Variants in GRIP2 observed in about 807,000 individuals in gnomAD.
The protein encoded by GRIP2 is glutamate receptor interacting protein 2, also known as glutamate receptor-interacting protein 2.
GRIP2 carries 58 observed loss-of-function variants against 108.3 expected under a neutral mutation model. The ratio of observed to expected loss-of-function variants is 0.54; its 90% CI spans 0.43 to 0.67. GRIP2 has a LOEUF of 0.67. Among genes scored for constraint, GRIP2 ranks in the 30% least tolerant of loss-of-function variants. The pLI is 0.00. For missense variants in GRIP2, 1,278 were observed against 1,430.6 expected (o/e 0.89, Z 1.72); for synonymous variants, 586 against 598.2 (o/e 0.98, Z 0.30).
At chr3:14,597,813 A>C in the GRIP2 span, among the ~76,000 whole-genome samples, 2 of 152,238 alleles carry the variant, frequency 1.3e-5, no homozygotes, top group African/African-American at 4.8e-5. Flanking sequence ...GCAATTCTGC[A>C]TGCTGACATC....
intron 1 of GRIP2, among the ~76,000 whole-genome samples, chr3:14,527,960 A>C (rs1290504798): frequency 6.6e-6 from 1 of 152,212 alleles, no homozygotes; most frequent in East Asian, 1.9e-4. Flanking sequence ...TGTGGTGAGC[A>C]TGTCAATGAG....
In GRIP2 at chr3:14,505,304, G is replaced by A. The variant is rs1293726003; in HGVS notation, c.2573+311C>T. Among the ~76,000 whole-genome samples the A allele has an allele frequency of 6.6e-6, 1 of 152,144 alleles. No homozygotes were observed. Among genetic ancestry groups the A allele is most frequent in the African/African-American group, 2.4e-5 (1 of 41,434 alleles). ...CCATCAGGCCATCTGGGGTAAGTCA[G>A]GTGGGCCTGGGTTCAAGTTCTGAGT... On this transcript the variant is annotated intron_variant, in intron 20 of 23. Transcript: ENST00000621039. The surrounding 1 kb of genome is among the most constrained non-coding windows in gnomAD (Gnocchi z 4.2).
At chr3:14,495,213 C>T (rs953283943) in intron 22 of GRIP2, among the ~76,000 whole-genome samples, 8 of 151,834 alleles carry the variant, frequency 5.3e-5, no homozygotes, top group East Asian at 1.9e-4. Context: ...TCAAGTACGA[C>T]GGAGCCCTTA....
chr3:14,517,986 C>T (rs1694303784), intron 9 of GRIP2, 89 bp from the exon 10 acceptor site: 4 of 1,407,918 alleles, frequency 2.8e-6, no homozygotes, highest in Admixed American at 2.9e-5. Flanking sequence ...CCAGAAGATC[C>T]TCGTGCTTCC....
At chr3:14,525,227 C>T (rs1027440207) in intron 3 of GRIP2, among the ~76,000 whole-genome samples, 3 of 152,112 alleles carry the variant, frequency 2.0e-5, no homozygotes, top group Non-Finnish European at 4.4e-5. Flanking sequence ...TATGGCCAAG[C>T]CCCTGGTGTA....
At chr3:14,557,647 C>T (rs918781478), upstream of GRIP2, among the ~76,000 whole-genome samples, 2 of 152,220 alleles carry the variant, frequency 1.3e-5, no homozygotes, top group Non-Finnish European at 2.9e-5. Flanking sequence ...AGCTCCTTCT[C>T]GAGACCTGAG....
the GRIP2 span, among the ~76,000 whole-genome samples, chr3:14,582,646 C>A: frequency 1.1e-4 from 17 of 152,148 alleles, no homozygotes; most frequent in Admixed American, 6.5e-5. Flanking sequence ...AGCTTGTTTG[C>A]GCCTCAGGAC....
chr3:14,517,484 A>ATT (rs1553596551), intron 10 of GRIP2, among the ~76,000 whole-genome samples: 14 of 114,882 alleles, frequency 1.2e-4, no homozygotes, highest in South Asian at 3.2e-4. Flanking sequence ...AGGCCACCTA[A>ATT]TCTCTCTCTC....
At chr3:14,557,514 G>T (rs1171819097), upstream of GRIP2, among the ~76,000 whole-genome samples, 1 of 152,246 alleles carries the variant, frequency 6.6e-6, no homozygotes, top group Non-Finnish European at 1.5e-5. Flanking sequence ...TAGGCTGGAG[G>T]TTCTGGGCTC....
the GRIP2 span, among the ~76,000 whole-genome samples, chr3:14,582,240 A>T: frequency 6.6e-6 from 1 of 152,098 alleles, no homozygotes; most frequent in Non-Finnish European, 1.5e-5. Flanking sequence ...TTTAATTTCC[A>T]TTTTCCTCAA....
At chr3:14,518,043 G>T (rs530029950) in intron 9 of GRIP2, 146 bp from the exon 10 acceptor site, 4 of 970,690 alleles carry the variant, frequency 4.1e-6, no homozygotes, top group Non-Finnish European at 5.9e-6. Context: ...TGTCCCGGAC[G>T]CCTACAATGT....
At chr3:14,543,342 C>G (rs533583218), upstream of GRIP2, among the ~76,000 whole-genome samples, 1 of 152,300 alleles carries the variant, frequency 6.6e-6, no homozygotes, top group South Asian at 2.1e-4. Context: ...GTTTGAGGAG[C>G]GCTGTATTAA....
the GRIP2 span, among the ~76,000 whole-genome samples, chr3:14,595,680 C>T: frequency 1.3e-5 from 2 of 152,330 alleles, no homozygotes; most frequent in East Asian, 3.9e-4. Flanking sequence ...GCTACAGCCA[C>T]AGAGCAAGTG....
rs759165398 is a variant in GRIP2 at position 14,523,025 on chromosome 3, C to T, written c.541G>A (p.Val181Met). 32 of 1,613,528 alleles carry T rather than the reference C, an allele frequency of 2.0e-5. No homozygotes were observed. In the Admixed American group the frequency reaches 3.7e-4, roughly 18 times the overall value. The change falls in exon 6 of 24, where the codon GTG (valine) becomes ATG (methionine). Residue 181 changes from valine (V) to methionine (M), a missense_variant. Coordinates refer to ENST00000621039, the MANE Select transcript of GRIP2 (RefSeq NM_001080423.4). Reference sequence around the variant, plus strand: ...CTGTCGGCAGGGCCACCGGGCCGCACGTAGGTCAGGACAAGCGGGCGGGAC... The same window carrying T: ...CTGTCGGCAGGGCCACCGGGCCGCATGTAGGTCAGGACAAGCGGGCGGGAC... ...HKSRPLVLTYVRPGGPADREG... is the reference protein window; with the variant it reads ...HKSRPLVLTYMRPGGPADREG...
the GRIP2 span, among the ~76,000 whole-genome samples, chr3:14,564,338 G>T: frequency 6.6e-6 from 1 of 152,236 alleles, no homozygotes; most frequent in Non-Finnish European, 1.5e-5. Context: ...TACGGTCCTC[G>T]TGTGCCACGG....
chr3:14,523,884 G>A, intron 4 of GRIP2, 186 bp from the exon 5 acceptor site: 1 of 587,246 alleles, frequency 1.7e-6, no homozygotes, highest in Non-Finnish European at 3.0e-6. Context: ...ATCCCACTTA[G>A]CCCACCACTG....
intron 1 of GRIP2, among the ~76,000 whole-genome samples, chr3:14,528,635 T>G (rs1694625629): frequency 6.6e-6 from 1 of 151,694 alleles, no homozygotes; most frequent in Non-Finnish European, 1.5e-5. Context: ...GTAGAAGGAT[T>G]GCTTGAGCCC....
chr3:14,598,646 C>A, the GRIP2 span, among the ~76,000 whole-genome samples: 1 of 151,952 alleles, frequency 6.6e-6, no homozygotes, highest in Non-Finnish European at 1.5e-5. Flanking sequence ...AGCTCCGAGC[C>A]CCTCCTTCAA....
At chr3:14,551,422 G>C (rs540948413) in intron 1 of GRIP2, among the ~76,000 whole-genome samples, 6 of 152,284 alleles carry the variant, frequency 3.9e-5, no homozygotes, top group African/African-American at 1.4e-4. Flanking sequence ...GCCTGGCTCA[G>C]ACCTCCCCAG....
Sources: allele counts gnomAD v4.1 joint callset (sites outside exome capture counted in the v4.1 genomes callset), GRCh38; gene constraint gnomAD v4.1.1; non-coding constraint Gnocchi (gnomAD v3.1); transcripts MANE v1.5; gene names NCBI Gene and HGNC (gene_info 2026-07-23, HGNC 2026-07-21).